Variants in DENND6A observed in about 807,000 individuals in gnomAD.
DENND6A encodes the protein protein DENND6A.
Under a neutral mutation model 95.5 loss-of-function variants are expected in DENND6A, and 43 were observed. The observed-to-expected ratio is 0.45, with a 90% CI of 0.35 to 0.58. The LOEUF (loss-of-function observed/expected upper bound fraction) is 0.58, where lower values mean the gene tolerates loss of function less well. Ranked by LOEUF, DENND6A falls within the 20% of genes least tolerant of loss-of-function variation. The probability of loss-of-function intolerance (pLI) is 0.00; values close to 1 mark genes in which losing one functional copy is unlikely to be tolerated. For synonymous variants in DENND6A, 257 were observed against 260.4 expected (o/e 0.99, Z 0.13); for missense variants, 574 against 736.0 (o/e 0.78, Z 2.55).
chr3:57,690,035 C>T (rs930386984), intron 1 of DENND6A, among the ~76,000 whole-genome samples: 1 of 135,732 alleles, frequency 7.4e-6, no homozygotes, highest in African/African-American at 2.8e-5. Flanking sequence ...TGAGGCAGAC[C>T]ATGTCTCTAA....
intron 1 of DENND6A, among the ~76,000 whole-genome samples, chr3:57,683,094 C>G (rs957705007): frequency 9.2e-5 from 14 of 152,120 alleles, no homozygotes; most frequent in African/African-American, 2.4e-5. Context: ...TTATTATGGC[C>G]TATGCAAATG....
At chr3:57,673,229 A>AAAAG (rs1559827197) in intron 1 of DENND6A, among the ~76,000 whole-genome samples, 4 of 149,796 alleles carry the variant, frequency 2.7e-5, no homozygotes, top group African/African-American at 9.8e-5. Context: ...AAAAAAAAAA[A>AAAAG]AAAGAAAGAA....
intron 12 of DENND6A, among the ~76,000 whole-genome samples, chr3:57,639,476 A>G (rs938923120): frequency 4.6e-5 from 7 of 152,244 alleles, no homozygotes; most frequent in African/African-American, 1.7e-4. Flanking sequence ...GTAGTCTACT[A>G]CATTATAATT....
At chr3:57,652,139 C>A (rs528082907) in intron 9 of DENND6A, among the ~76,000 whole-genome samples, 2 of 152,316 alleles carry the variant, frequency 1.3e-5, no homozygotes, top group South Asian at 4.1e-4. Flanking sequence ...CGTTCTTGAG[C>A]GCGGACTGGA....
chr3:57,632,021 C>CTTT (rs771800755), intron 15 of DENND6A, among the ~76,000 whole-genome samples: 4 of 96,030 alleles, frequency 4.2e-5, no homozygotes, highest in Admixed American at 1.3e-4. Flanking sequence ...CGCGCCCGGC[C>CTTT]TTTTTTTTTT....
intron 9 of DENND6A, among the ~76,000 whole-genome samples, chr3:57,651,218 T>TGAC (rs2071203297): frequency 6.6e-6 from 1 of 152,238 alleles, no homozygotes; most frequent in Non-Finnish European, 1.5e-5. Flanking sequence ...CCTCAACATA[T>TGAC]GACAGACTTA....
Position 57,646,308 on chromosome 3 carries a change from A to G in DENND6A, c.941+8T>C. The G allele has an allele frequency of 1.9e-6, 3 of 1,601,352 alleles. No individual in the cohort carries two copies. The highest frequency in any genetic ancestry group is 2.6e-6 in the Non-Finnish European group (3 of 1,176,370). ...AAAAACCCAGAAATAGTAACCAAATAGACTCACTTAACAAGTGCCAATACA... is the reference window on the plus strand; with the variant it reads ...AAAAACCCAGAAATAGTAACCAAATGGACTCACTTAACAAGTGCCAATACA... On this transcript the variant is annotated splice_region_variant and intron_variant, in intron 10 of 19. Coordinates refer to ENST00000311128, the MANE Select transcript of DENND6A (RefSeq NM_152678.3).
chr3:57,677,325 A>G (rs1281053666), intron 1 of DENND6A, among the ~76,000 whole-genome samples: 1 of 151,472 alleles, frequency 6.6e-6, no homozygotes, highest in Non-Finnish European at 1.5e-5. Flanking sequence ...TATAAATTCA[A>G]TTGTGCCTTG....
chr3:57,688,547 AG>A (rs1429148237), intron 1 of DENND6A, among the ~76,000 whole-genome samples: 2 of 152,032 alleles, frequency 1.3e-5, no homozygotes, highest in Admixed American at 1.3e-4. Flanking sequence ...GCCTCATTCC[AG>A]AAAAAGAGTT....
chr3:57,629,938 G>A (rs1377853303), intron 18 of DENND6A, among the ~76,000 whole-genome samples: 6 of 152,142 alleles, frequency 3.9e-5, no homozygotes, highest in Non-Finnish European at 7.4e-5. Flanking sequence ...TAATGTGCTG[G>A]TAAATATTTA....
At chr3:57,657,168 T>G (rs527304656) in intron 9 of DENND6A, among the ~76,000 whole-genome samples, 5 of 152,348 alleles carry the variant, frequency 3.3e-5, no homozygotes, top group African/African-American at 1.2e-4. Flanking sequence ...TTCCTCTATT[T>G]CTTTTCTAAG....
At chr3:57,677,643 C>T (rs1356537646) in intron 1 of DENND6A, among the ~76,000 whole-genome samples, 1 of 151,872 alleles carries the variant, frequency 6.6e-6, no homozygotes, top group Non-Finnish European at 1.5e-5. Flanking sequence ...GCCATGTTGC[C>T]CAGGCTGGTC....
At chr3:57,687,661 G>A (rs978997457) in intron 1 of DENND6A, among the ~76,000 whole-genome samples, 2 of 152,114 alleles carry the variant, frequency 1.3e-5, no homozygotes, top group African/African-American at 4.8e-5. Flanking sequence ...AGCCAGGTGT[G>A]GTCGCTCATG....
chr3:57,683,189 G>A (rs1418973224), intron 1 of DENND6A, among the ~76,000 whole-genome samples: 2 of 152,128 alleles, frequency 1.3e-5, no homozygotes, highest in African/African-American at 2.4e-5. Flanking sequence ...TACAAAGGAC[G>A]CTTAAGGTTA....
intron 15 of DENND6A, among the ~76,000 whole-genome samples, chr3:57,632,127 C>T (rs1397310352): frequency 8.7e-5 from 13 of 149,870 alleles, no homozygotes; most frequent in African/African-American, 2.7e-4. Context: ...TCAAGTGATT[C>T]TCCTGCCTCA....
In DENND6A at chr3:57,669,677, T is replaced by C. The variant is rs190060690; in HGVS notation, c.319+2579A>G. On this transcript the variant is annotated intron_variant, in intron 3 of 19. Coordinates refer to ENST00000311128, the MANE Select transcript of DENND6A (RefSeq NM_152678.3). The stretch of plus-strand genomic sequence containing the variant: ...TTGCAGTGAGTGGAGATCGCGCCAC[T>C]GCGCTCCAGCCTGGGCAACAGAGCG... Among the ~76,000 whole-genome samples the C allele has an allele frequency of 4.6e-5, 7 of 150,958 alleles. No homozygotes were observed. The East Asian group carries it at 1.4e-3, about 30-fold the overall frequency.
At chr3:57,656,854 T>C (rs915689260) in intron 9 of DENND6A, among the ~76,000 whole-genome samples, 2 of 152,072 alleles carry the variant, frequency 1.3e-5, no homozygotes, top group African/African-American at 4.8e-5. Flanking sequence ...GCTACTTGGG[T>C]GGCTGAGGCA....
At chr3:57,638,728 A>G (rs1040063533) in intron 12 of DENND6A, among the ~76,000 whole-genome samples, 2 of 152,150 alleles carry the variant, frequency 1.3e-5, no homozygotes, top group Non-Finnish European at 2.9e-5. Context: ...ACTCAATATC[A>G]CCGATCATGA....
chr3:57,672,405 TGTCA>T lies in DENND6A; in HGVS notation c.267_270del (p.Asp90GlufsTer53). The T allele has an allele frequency of 1.2e-6, 2 of 1,613,012 alleles. No homozygotes were observed. The highest frequency in any genetic ancestry group is 1.7e-6 in the Non-Finnish European group (2 of 1,179,524). On this transcript the variant is annotated frameshift_variant, in exon 2 of 20. Transcript: ENST00000311128. LOFTEE classifies it high-confidence loss of function. ...AGAGCAGTATTTTTACTTACTTCTC[TGTCA>T]GTAAGTTTGGAATGCTGAGGATAAA...
Sources: gnomAD v4.1 joint callset for allele counts (sites outside exome capture counted in the v4.1 genomes callset) on GRCh38, gnomAD v4.1.1 for gene constraint, MANE v1.5 for transcripts, NCBI Gene and HGNC (gene_info 2026-07-23, HGNC 2026-07-21) for gene names.